CNTN5: variants seen among roughly 807,000 people sequenced by gnomAD.
CNTN5 encodes the protein contactin-5.
In CNTN5, 77 loss-of-function variants were observed where a neutral mutation model predicts 129.1. The observed-to-expected ratio is 0.60, with a 90% CI of 0.50 to 0.72. CNTN5 has a LOEUF of 0.72. CNTN5 is among the 30% of genes least tolerant of loss of function. CNTN5 has a pLI of 0.00. For synonymous variants in CNTN5, 509 were observed against 465.6 expected, an observed-to-expected ratio of 1.09 and a Z score of -1.20; for missense variants, 1,478 against 1,328.8, an observed-to-expected ratio of 1.11 and a Z score of -1.75.
chr11:99,028,775 AT>A (rs1466289141), intron 1 of CNTN5, among the ~76,000 whole-genome samples: 4 of 151,826 alleles, frequency 2.6e-5, no homozygotes, highest in African/African-American at 9.7e-5. Flanking sequence ...AATAAGACTG[AT>A]TTCTTTCATT....
intron 2 of CNTN5, among the ~76,000 whole-genome samples, chr11:99,400,512 G>A (rs1311443182): frequency 3.9e-5 from 6 of 152,014 alleles, no homozygotes; most frequent in South Asian, 2.1e-4. Context: ...TCTGTTGATG[G>A]CGATTGTGAA....
rs556498843 is a variant in CNTN5, at chr11:100,089,066, G to C, written c.1580+14772G>C. On this transcript the variant is annotated intron_variant, in intron 13 of 24. Coordinates refer to ENST00000524871, the MANE Select transcript of CNTN5 (RefSeq NM_014361.4). ...GGTAGGTTTTATTTCTGGGATGAAAGGTTGGTTCAACATATGCAAATCAAT... is the reference window on the plus strand; with the variant it reads ...GGTAGGTTTTATTTCTGGGATGAAACGTTGGTTCAACATATGCAAATCAAT... Among the ~76,000 whole-genome samples the C allele has an allele frequency of 2.0e-5, 3 of 152,214 alleles. No individual in the cohort carries two copies. The East Asian group carries it at 5.8e-4, about 29-fold the overall frequency.
chr11:100,081,265 T>C (rs1186904736), intron 13 of CNTN5, among the ~76,000 whole-genome samples: 1 of 152,090 alleles, frequency 6.6e-6, no homozygotes, highest in East Asian at 1.9e-4. Flanking sequence ...ATATATAGCA[T>C]TGGAAATTAA....
chr11:100,030,103 C>T (rs1941630577), intron 9 of CNTN5, among the ~76,000 whole-genome samples: 1 of 152,012 alleles, frequency 6.6e-6, no homozygotes, highest in African/African-American at 2.4e-5. Flanking sequence ...GTAGGTCAGG[C>T]ATGGCTTACA....
At chr11:99,892,143 C>T (rs1295142190) in intron 6 of CNTN5, among the ~76,000 whole-genome samples, 1 of 152,184 alleles carries the variant, frequency 6.6e-6, no homozygotes, top group Non-Finnish European at 1.5e-5. Flanking sequence ...AGTATCTGTT[C>T]ATATCCTTCG....
At chr11:100,307,540 G>T (rs953046064) in intron 20 of CNTN5, among the ~76,000 whole-genome samples, 4 of 151,592 alleles carry the variant, frequency 2.6e-5, no homozygotes, top group Admixed American at 2.0e-4. Context: ...AGTGTGAAAG[G>T]TCACTGAATG....
chr11:99,590,373 T>A (rs1387739802), intron 3 of CNTN5, among the ~76,000 whole-genome samples: 1 of 152,162 alleles, frequency 6.6e-6, no homozygotes, highest in Non-Finnish European at 1.5e-5. Flanking sequence ...CCTGGCATTG[T>A]TGTTTATTAG....
intron 2 of CNTN5, among the ~76,000 whole-genome samples, chr11:99,461,657 A>G (rs544499861): frequency 1.3e-5 from 2 of 151,998 alleles, no homozygotes; most frequent in Non-Finnish European, 2.9e-5. Context: ...GAGCCTGTCA[A>G]AAGTTGTATT....
chr11:99,277,647 T>A (rs956259000), intron 1 of CNTN5, among the ~76,000 whole-genome samples: 1 of 151,750 alleles, frequency 6.6e-6, no homozygotes, highest in Non-Finnish European at 1.5e-5. Context: ...CTATTTGCAG[T>A]ACTGAACTAT....
chr11:100,123,460 T>C (rs1946091240), intron 13 of CNTN5, among the ~76,000 whole-genome samples: 1 of 152,018 alleles, frequency 6.6e-6, no homozygotes, highest in Non-Finnish European at 1.5e-5. Flanking sequence ...GTAAAGCATT[T>C]TAGTTTAAAC....
intron 13 of CNTN5, among the ~76,000 whole-genome samples, chr11:100,148,979 A>ATATT (rs1279832253): frequency 1.1e-4 from 17 of 152,200 alleles, no homozygotes; most frequent in Non-Finnish European, 2.5e-4. Flanking sequence ...GTCGAACAAA[A>ATATT]TATTTGTAGA....
At chr11:100,344,434 G>C (rs1334588609) in intron 23 of CNTN5, among the ~76,000 whole-genome samples, 1 of 152,080 alleles carries the variant, frequency 6.6e-6, no homozygotes, top group Non-Finnish European at 1.5e-5. Flanking sequence ...CTGAAAAAGT[G>C]CACTAGAAAC....
At chr11:99,542,026 C>G (rs573406302) in intron 2 of CNTN5, among the ~76,000 whole-genome samples, 10 of 145,970 alleles carry the variant, frequency 6.9e-5, no homozygotes, top group Admixed American at 4.7e-4. Context: ...CAATAATTTA[C>G]TTTCCAAATT....
chr11:99,955,757 G>A (rs1282203952), intron 7 of CNTN5, among the ~76,000 whole-genome samples: 1 of 151,906 alleles, frequency 6.6e-6, no homozygotes, highest in Non-Finnish European at 1.5e-5. Flanking sequence ...GTAGAGACGG[G>A]GTTTCACCAT....
chr11:100,161,844 C>CACACACACAT (rs1947459928), intron 13 of CNTN5, among the ~76,000 whole-genome samples: 1 of 145,886 alleles, frequency 6.9e-6, no homozygotes, highest in African/African-American at 2.7e-5. Flanking sequence ...CACACACACA[C>CACACACACAT]ACACACACAC....
chr11:99,647,700 T>C (rs1429854246), intron 3 of CNTN5, among the ~76,000 whole-genome samples: 1 of 151,964 alleles, frequency 6.6e-6, no homozygotes, highest in African/African-American at 2.4e-5. Flanking sequence ...TTGTGTGTCT[T>C]CTTTGATTTC....
At chr11:99,850,133 G>A (rs1278632053) in intron 6 of CNTN5, among the ~76,000 whole-genome samples, 6 of 152,048 alleles carry the variant, frequency 3.9e-5, no homozygotes, top group Non-Finnish European at 8.8e-5. Context: ...TAACAGTTTA[G>A]GAGACATTGA....
chr11:99,469,485 A>T (rs113225343), intron 2 of CNTN5, among the ~76,000 whole-genome samples: 1,838 of 152,106 alleles, frequency 0.012, 38 homozygotes, highest in African/African-American at 0.042. Context: ...ATTGTTCATT[A>T]TTTCTAAATT....
At chr11:99,817,844 T>A (rs542040872) in intron 3 of CNTN5, among the ~76,000 whole-genome samples, 1 of 138,542 alleles carries the variant, frequency 7.2e-6, no homozygotes, top group African/African-American at 2.6e-5. Flanking sequence ...CCAAGGGAGG[T>A]TAACTCTTTT....
Sources: gnomAD v4.1 joint callset for allele counts (sites outside exome capture counted in the v4.1 genomes callset) on GRCh38, gnomAD v4.1.1 for gene constraint, MANE v1.5 for transcripts, NCBI Gene and HGNC (gene_info 2026-07-23, HGNC 2026-07-21) for gene names.